ADCY8: variants seen among roughly 807,000 people sequenced by gnomAD.
ADCY8 encodes adenylate cyclase 8.
Under a neutral mutation model 119.7 loss-of-function variants are expected in ADCY8, and 51 were observed. The observed-to-expected ratio is 0.43, with a 90% CI of 0.34 to 0.54. The LOEUF (loss-of-function observed/expected upper bound fraction) is 0.54, where lower values mean the gene tolerates loss of function less well. Ranked by LOEUF, ADCY8 falls within the 20% of genes least tolerant of loss-of-function variation. The pLI, the probability that ADCY8 is intolerant of heterozygous loss-of-function variation, is 0.03. For missense variants in ADCY8, 1,383 were observed against 1,598.8 expected, an observed-to-expected ratio of 0.87 and a Z score of 2.30; for synonymous variants, 665 against 651.0, an observed-to-expected ratio of 1.02 and a Z score of -0.33.
chr8:130,883,235 T>C (rs1026857410), intron 8 of ADCY8, among the ~76,000 whole-genome samples: 14 of 152,200 alleles, frequency 9.2e-5, no homozygotes, highest in African/African-American at 3.4e-4. Flanking sequence ...ACAAGCTAAT[T>C]GAGAAGTTTC....
chr8:130,948,645 T>TAAAAAAA (rs34700138), intron 3 of ADCY8, among the ~76,000 whole-genome samples: 1 of 91,188 alleles, frequency 1.1e-5, no homozygotes. Flanking sequence ...TCTTCAAAAT[T>TAAAAAAA]AAAAAAAAAA....
chr8:130,948,259 G>A (rs532951140), intron 3 of ADCY8, among the ~76,000 whole-genome samples: 1 of 152,344 alleles, frequency 6.6e-6, no homozygotes, highest in African/African-American at 2.4e-5. Flanking sequence ...AATACAAGAA[G>A]TGTCTTAAGT....
intron 11 of ADCY8, among the ~76,000 whole-genome samples, chr8:130,843,765 A>C (rs1817216800): frequency 6.6e-6 from 1 of 152,190 alleles, no homozygotes; most frequent in African/African-American, 2.4e-5. Flanking sequence ...GTCAATCTTT[A>C]ATAGCTATAC....
intron 12 of ADCY8, among the ~76,000 whole-genome samples, chr8:130,830,060 A>C (rs923026229): frequency 2.0e-5 from 3 of 152,222 alleles, no homozygotes; most frequent in Non-Finnish European, 4.4e-5. Context: ...CCCTAACAGC[A>C]CTTAGGGTTA....
At chr8:130,993,113 A>G (rs1426431734) in intron 1 of ADCY8, among the ~76,000 whole-genome samples, 1 of 152,214 alleles carries the variant, frequency 6.6e-6, no homozygotes. Flanking sequence ...AAATATATTG[A>G]TATAAAAATT....
chr8:130,987,654 G>A (rs992095446), intron 2 of ADCY8, among the ~76,000 whole-genome samples: 2 of 152,074 alleles, frequency 1.3e-5, no homozygotes, highest in Non-Finnish European at 2.9e-5. Flanking sequence ...CTGTCGCTTA[G>A]GTTCTTACAG....
intron 15 of ADCY8, 118 bp from the exon 16 acceptor site, chr8:130,785,593 G>T: frequency 1.7e-6 from 1 of 586,204 alleles, no homozygotes; most frequent in Non-Finnish European, 2.9e-6. Context: ...ATATCCTCTA[G>T]TTATCTGCTT....
chr8:130,806,109 G>A (rs1239500302), intron 14 of ADCY8, among the ~76,000 whole-genome samples: 2 of 152,126 alleles, frequency 1.3e-5, no homozygotes, highest in East Asian at 1.9e-4. Context: ...AGAGAGGAGC[G>A]CTCGACCCCC....
chr8:130,868,055 A>T lies in ADCY8; in HGVS notation c.2110-109T>A. On this transcript the variant is annotated intron_variant, in intron 8 of 17. Coordinates refer to ENST00000286355, the MANE Select transcript of ADCY8 (RefSeq NM_001115.3). ...GCAATTAGATTTTTTTTAAATTAAG[A>T]ATAATTCATATCTTAATAAAACCTT... is the stretch of plus-strand genomic sequence containing the variant. 6.0e-6 allele frequency: 4 copies of T among 664,850 alleles called. No homozygotes were observed. In the South Asian group the frequency reaches 9.0e-5, roughly 15 times the overall value. The allele number at this position is 664,850 out of a possible 1,614,324, so 41.2% of individuals were successfully genotyped here. A position where few individuals can be genotyped will look rare whatever the true frequency, so the allele number is the denominator to read the frequency against.
chr8:130,856,379 A>G (rs1248964837), intron 9 of ADCY8, among the ~76,000 whole-genome samples: 1 of 152,046 alleles, frequency 6.6e-6, no homozygotes, highest in African/African-American at 2.4e-5. Context: ...AGTGTTTGCC[A>G]GGAATGTTAA....
At chr8:131,035,264 G>A (rs567937440) in intron 1 of ADCY8, among the ~76,000 whole-genome samples, 2 of 152,246 alleles carry the variant, frequency 1.3e-5, no homozygotes, top group African/African-American at 2.4e-5. Context: ...ACCTATAGCT[G>A]AGCTAAGTCA....
At chr8:131,009,929 A>T (rs1253401844) in intron 1 of ADCY8, among the ~76,000 whole-genome samples, 5 of 152,156 alleles carry the variant, frequency 3.3e-5, no homozygotes, top group Admixed American at 3.3e-4. Flanking sequence ...GTGGCTGCAC[A>T]TGGTTGGGGA....
At chr8:130,930,731 A>T (rs1820607603) in intron 5 of ADCY8, among the ~76,000 whole-genome samples, 1 of 152,098 alleles carries the variant, frequency 6.6e-6, no homozygotes, top group Non-Finnish European at 1.5e-5. Context: ...TTCTATTTTT[A>T]TATCAATATT....
intron 8 of ADCY8, among the ~76,000 whole-genome samples, chr8:130,878,664 T>C (rs942941944): frequency 3.3e-5 from 5 of 152,186 alleles, no homozygotes; most frequent in Admixed American, 2.0e-4. Flanking sequence ...AGTGATGGGA[T>C]GGTACCTGCA....
chr8:130,919,364 G>C (rs1247547922), intron 5 of ADCY8, among the ~76,000 whole-genome samples: 1 of 152,144 alleles, frequency 6.6e-6, no homozygotes, highest in Non-Finnish European at 1.5e-5. Context: ...GGCCAGGCCA[G>C]CTGTAGGCAC....
intron 5 of ADCY8, among the ~76,000 whole-genome samples, chr8:130,916,895 C>G (rs949369559): frequency 4.6e-5 from 7 of 152,178 alleles, no homozygotes; most frequent in African/African-American, 1.7e-4. Context: ...CCTGATTTCC[C>G]ACTTCACACC....
At chr8:130,955,590 C>T (rs1434564868) in intron 2 of ADCY8, among the ~76,000 whole-genome samples, 1 of 152,046 alleles carries the variant, frequency 6.6e-6, no homozygotes. Flanking sequence ...AAAAATAAAA[C>T]AGAATAGTAC....
intron 11 of ADCY8, among the ~76,000 whole-genome samples, chr8:130,845,494 G>A (rs899306461): frequency 2.0e-5 from 3 of 152,166 alleles, no homozygotes; most frequent in African/African-American, 7.2e-5. Context: ...AAGTGAGGGG[G>A]CTTGATTGGA....
chr8:130,823,235 A>G (rs1194359075), intron 12 of ADCY8, among the ~76,000 whole-genome samples: 1 of 143,844 alleles, frequency 7.0e-6, no homozygotes, highest in East Asian at 2.1e-4. Flanking sequence ...TCAGAAGAAA[A>G]AGTAAAAATT....
Sources: allele counts gnomAD v4.1 joint callset (sites outside exome capture counted in the v4.1 genomes callset), GRCh38; gene constraint gnomAD v4.1.1; transcripts MANE v1.5; gene names NCBI Gene and HGNC (gene_info 2026-07-23, HGNC 2026-07-21).